The following AKAP19 variants were observed in gnomAD, a reference collection of about 807,000 sequenced individuals.
The protein encoded by AKAP19 is A-kinase anchoring protein 19.
At chr2:190,086,418 A>G in the AKAP19 span, among the ~76,000 whole-genome samples, 1 of 152,184 alleles carries the variant, frequency 6.6e-6, no homozygotes, top group South Asian at 2.1e-4. Flanking sequence ...ACTACTTATC[A>G]CTTCCAGACC....
chr2:190,103,807 C>A, the AKAP19 span, among the ~76,000 whole-genome samples: 2 of 152,176 alleles, frequency 1.3e-5, no homozygotes, highest in South Asian at 4.1e-4. Context: ...CTACCAATGT[C>A]ATTTTTCACA....
chr2:190,126,314 AAAAAAAAAAAG>A, the AKAP19 span, among the ~76,000 whole-genome samples: 3 of 142,082 alleles, frequency 2.1e-5, no homozygotes, highest in South Asian at 6.6e-4. Flanking sequence ...AAAAAAAAAA[AAAAAAAAAAAG>A]GTGTATATTT....
the AKAP19 span, among the ~76,000 whole-genome samples, chr2:190,104,873 C>G: frequency 1.3e-5 from 2 of 152,038 alleles, no homozygotes; most frequent in African/African-American, 2.4e-5. Flanking sequence ...AAGTGGCCAA[C>G]AAACATGAAA....
At chr2:190,155,302 A>T in the AKAP19 span, among the ~76,000 whole-genome samples, 1 of 152,164 alleles carries the variant, frequency 6.6e-6, no homozygotes. Flanking sequence ...AGAATAAAGT[A>T]TTTCTGATGG....
At chr2:190,060,094 C>G in the AKAP19 span, 1 of 1,612,580 alleles carries the variant, frequency 6.2e-7, no homozygotes. Context: ...GGGAAGGTTA[C>G]AGCAAGATCA....
the AKAP19 span, among the ~76,000 whole-genome samples, chr2:190,053,976 A>G: frequency 5.6e-3 from 847 of 152,222 alleles, 11 homozygotes; most frequent in Middle Eastern, 0.017. Flanking sequence ...AAATTTTTAT[A>G]TATGTTATTG....
the AKAP19 span, among the ~76,000 whole-genome samples, chr2:190,126,797 A>G: frequency 6.6e-6 from 1 of 152,098 alleles, no homozygotes; most frequent in Non-Finnish European, 1.5e-5. Flanking sequence ...GATGGTTTTT[A>G]CTTAAATGAT....
At chr2:190,160,420 A>G in the AKAP19 span, among the ~76,000 whole-genome samples, 1 of 151,086 alleles carries the variant, frequency 6.6e-6, no homozygotes, top group Non-Finnish European at 1.5e-5. Flanking sequence ...AAACCCAAAT[A>G]TTAGTCTCTT....
At chr2:189,921,253 A>G in the AKAP19 span, among the ~76,000 whole-genome samples, 1 of 152,218 alleles carries the variant, frequency 6.6e-6, no homozygotes, top group Non-Finnish European at 1.5e-5. Context: ...CAAGCAAAGA[A>G]GGCTGATAAG....
the AKAP19 span, among the ~76,000 whole-genome samples, chr2:190,168,617 C>A: frequency 2.6e-5 from 4 of 152,210 alleles, no homozygotes; most frequent in African/African-American, 9.7e-5. Flanking sequence ...CCCAAGTCAC[C>A]TCTTGAATGC....
At chr2:190,008,183 A>G in the AKAP19 span, among the ~76,000 whole-genome samples, 3 of 152,068 alleles carry the variant, frequency 2.0e-5, no homozygotes, top group African/African-American at 4.8e-5. Flanking sequence ...AATAGATGAA[A>G]CTCACTAATA....
the AKAP19 span, among the ~76,000 whole-genome samples, chr2:189,984,077 A>G: frequency 2.0e-5 from 3 of 152,210 alleles, no homozygotes; most frequent in Non-Finnish European, 4.4e-5. Flanking sequence ...GGACCACAGG[A>G]CGGAGGCAAA....
At chr2:189,953,203 G>A in the AKAP19 span, among the ~76,000 whole-genome samples, 7 of 152,144 alleles carry the variant, frequency 4.6e-5, no homozygotes, top group Admixed American at 1.3e-4. Context: ...GGCCTTGTCC[G>A]TCGAGTTCAC....
chr2:190,158,110 A>T, the AKAP19 span, among the ~76,000 whole-genome samples: 1 of 152,204 alleles, frequency 6.6e-6, no homozygotes, highest in Non-Finnish European at 1.5e-5. Context: ...TGGTGCATGC[A>T]GCCCCTGTCA....
At chr2:189,903,665 C>T in the AKAP19 span, among the ~76,000 whole-genome samples, 78 of 151,978 alleles carry the variant, frequency 5.1e-4, no homozygotes, top group South Asian at 8.1e-3. Context: ...ATTTTAGATA[C>T]AGGGGGTATA....
the AKAP19 span, among the ~76,000 whole-genome samples, chr2:189,903,908 C>G: frequency 2.0e-5 from 3 of 151,960 alleles, no homozygotes; most frequent in African/African-American, 7.2e-5. Context: ...GTTTTCTATT[C>G]CTGCCCTAAT....
chr2:190,022,415 A>G, the AKAP19 span, among the ~76,000 whole-genome samples: 28 of 152,320 alleles, frequency 1.8e-4, no homozygotes, highest in African/African-American at 6.0e-4. Context: ...CCAGGAGTAA[A>G]TGAACCAGTG....
At chr2:190,011,191 G>A in the AKAP19 span, among the ~76,000 whole-genome samples, 108 of 151,750 alleles carry the variant, frequency 7.1e-4, 1 homozygote, top group African/African-American at 2.5e-3. Context: ...CCAAGTAGCT[G>A]GGATTACAGG....
the AKAP19 span, among the ~76,000 whole-genome samples, chr2:190,091,547 A>AATACACACACACACACACACAC: frequency 6.6e-6 from 1 of 150,394 alleles, no homozygotes; most frequent in Admixed American, 6.7e-5. Context: ...TCTTTTGTTA[A>AATACACACACACACACACACAC]ACACACACAC....
Sources: gnomAD v4.1 joint callset for allele counts (sites outside exome capture counted in the v4.1 genomes callset) on GRCh38, gnomAD v4.1.1 for gene constraint, MANE v1.5 for transcripts, NCBI Gene and HGNC (gene_info 2026-07-23, HGNC 2026-07-21) for gene names.